Variants in FAM117A observed in about 807,000 individuals in gnomAD.
The protein encoded by FAM117A is family with sequence similarity 117 member A.
Under a neutral mutation model 44.1 loss-of-function variants are expected in FAM117A, and 21 were observed. The observed-to-expected ratio is 0.48, with a 90% CI of 0.34 to 0.69. The LOEUF is 0.69. Among genes scored for constraint, FAM117A ranks in the 30% least tolerant of loss-of-function variants. FAM117A has a pLI of 0.01. For missense variants in FAM117A, 498 were observed against 589.9 expected (o/e 0.84, Z 1.61); for synonymous variants, 220 against 238.3 (o/e 0.92, Z 0.71).
intron 1 of FAM117A, among the ~76,000 whole-genome samples, chr17:49,741,695 A>C (rs2073635209): frequency 1.3e-5 from 2 of 152,220 alleles, no homozygotes; most frequent in South Asian, 4.1e-4. Flanking sequence ...ACAGGAATTC[A>C]GAATTTCTAA....
chr17:49,732,588 C>T lies in FAM117A; in HGVS notation c.329G>A (p.Gly110Glu), dbSNP rs761925203. ...LLGQWPRDAD[G>E]AFTCCTNDKA... is the part of the protein sequence containing the mutation. ...GTCATTGGTGCAGCAGGTGAAGGCC[C>T]CATCAGCATCTCGTGGCCACTGGCC... Residue 110 changes from glycine to glutamate, a missense_variant, in exon 2 of 8, where the codon GGG becomes GAG. Physicochemically the swap from Gly to Glu is moderately conservative, Grantham distance 98. Transcript: ENST00000240364. 1.1e-5 allele frequency: 17 copies of T among 1,614,116 alleles called. No individual in the cohort carries two copies. The highest frequency in any genetic ancestry group is 1.7e-6 in the Non-Finnish European group (2 of 1,180,004).
At chr17:49,776,968 C>T (rs1014167190) in intron 1 of FAM117A, among the ~76,000 whole-genome samples, 2 of 152,242 alleles carry the variant, frequency 1.3e-5, no homozygotes, top group Non-Finnish European at 2.9e-5. Flanking sequence ...CACTCCTTGA[C>T]TCTGTCTCCC....
chr17:49,779,852 CT>C (rs1304911908), intron 1 of FAM117A, among the ~76,000 whole-genome samples: 2 of 152,232 alleles, frequency 1.3e-5, no homozygotes, highest in Non-Finnish European at 2.9e-5. Context: ...CCAGTCATAT[CT>C]TTGGAAAATG....
intron 7 of FAM117A, among the ~76,000 whole-genome samples, chr17:49,712,472 A>G (rs1479948281): frequency 2.6e-5 from 4 of 152,204 alleles, no homozygotes; most frequent in Admixed American, 2.6e-4. Context: ...AAAGAATCTA[A>G]TTGTTGGGCA....
At chr17:49,769,387 T>C (rs974708036) in intron 1 of FAM117A, among the ~76,000 whole-genome samples, 3 of 152,030 alleles carry the variant, frequency 2.0e-5, no homozygotes, top group Admixed American at 6.6e-5. Flanking sequence ...AGGGTAAATG[T>C]AGGATCAGAG....
chr17:49,786,397 C>T (rs1367868267), intron 1 of FAM117A, among the ~76,000 whole-genome samples: 1 of 152,178 alleles, frequency 6.6e-6, no homozygotes, highest in African/African-American at 2.4e-5. Context: ...GAGCGCTATA[C>T]ATTCAGAGAC....
rs766220821 is a variant in FAM117A, at chr17:49,720,389, A to T, written c.510T>A (p.Ser170Arg). Reference protein sequence around the residue: ...QQLQRTKLSRSGKEKERGSPL... With the variant: ...QQLQRTKLSRRGKEKERGSPL... ...GTGAACCTCGCTCCTTCTCTTTCCC[A>T]CTGCGGCTCAGCTTCGTCCTCTGCA... Residue 170 changes from serine (S) to arginine (R), a missense_variant, in exon 4 of 8, where the codon AGT becomes AGA. By Grantham distance (110) the Ser-to-Arg change is moderately radical (BLOSUM62 -1). Transcript: ENST00000240364. 8.7e-6 allele frequency: 14 copies of T among 1,613,666 alleles called. No homozygotes were observed. Among genetic ancestry groups the T allele is most frequent in the Non-Finnish European group, 1.2e-5 (14 of 1,180,020 alleles).
chr17:49,775,211 C>T (rs1192379808), intron 1 of FAM117A, among the ~76,000 whole-genome samples: 2 of 152,112 alleles, frequency 1.3e-5, no homozygotes, highest in East Asian at 3.9e-4. Flanking sequence ...TGATCTCAAA[C>T]CCCTGGCCTC....
chr17:49,743,053 G>GA (rs1435841379), intron 1 of FAM117A, among the ~76,000 whole-genome samples: 1 of 152,118 alleles, frequency 6.6e-6, no homozygotes, highest in Non-Finnish European at 1.5e-5. Context: ...CAAGGTCATA[G>GA]AAAAAACTGA....
At chr17:49,721,554 T>C (rs997483904) in intron 3 of FAM117A, among the ~76,000 whole-genome samples, 2 of 152,230 alleles carry the variant, frequency 1.3e-5, no homozygotes, top group African/African-American at 4.8e-5. Flanking sequence ...TATTTTCTCA[T>C]TGTTCTCAGC....
At position 49,720,379 on chromosome 17, in the gene FAM117A, T is replaced by C; in HGVS notation, c.520A>G (p.Lys174Glu). Residue 174 changes from lysine (K) to glutamate (E), a missense_variant, in exon 4 of 8, where the codon AAG becomes GAG. Around this residue, in one of 3 missense-constraint regions of FAM117A, gnomAD observed 270 missense variants for 277.4 expected, o/e 0.97. Coordinates refer to ENST00000240364, the MANE Select transcript of FAM117A (RefSeq NM_030802.4). ...CCTAGGAGTGGTGAACCTCGCTCCT[T>C]CTCTTTCCCACTGCGGCTCAGCTTC... ...RTKLSRSGKE[K>E]ERGSPLLGDH... is the part of the protein sequence containing the mutation. 6.2e-7 allele frequency: 1 copy of C among 1,613,880 alleles called. No homozygotes were observed. Among genetic ancestry groups the C allele is most frequent in the Non-Finnish European group, 8.5e-7 (1 of 1,179,998 alleles).
rs147731210 is a variant in FAM117A, at chr17:49,761,775, T to C, written c.196+2117A>G. 2.0e-5 allele frequency among the ~76,000 whole-genome samples: 3 copies of C among 152,328 alleles called. No individual in the cohort carries two copies. The East Asian group carries it at 5.8e-4, about 29-fold the overall frequency. ...GGCTGAAGTTAACATATAAAAGCCC[T>C]GATGTGCCTCCAAAACAGAGGCCAG... On this transcript the variant is annotated intron_variant, in intron 1 of 7. Coordinates refer to ENST00000240364, the MANE Select transcript of FAM117A (RefSeq NM_030802.4).
intron 1 of FAM117A, among the ~76,000 whole-genome samples, chr17:49,778,186 C>T (rs1236487089): frequency 1.3e-5 from 2 of 152,192 alleles, no homozygotes; most frequent in Admixed American, 6.5e-5. Flanking sequence ...TCTGGGGTTT[C>T]CCAAGTGAAT....
At chr17:49,765,535 T>C (rs918917593), upstream of FAM117A, 1 of 152,194 alleles carries the variant, frequency 6.6e-6, no homozygotes. Flanking sequence ...AATATTAAAA[T>C]TAGCCTACAT....
intron 7 of FAM117A, among the ~76,000 whole-genome samples, chr17:49,714,148 C>T (rs1173413541): frequency 2.0e-5 from 3 of 152,284 alleles, no homozygotes; most frequent in East Asian, 3.9e-4. Context: ...AATACCTTGA[C>T]TCCTTGCCTG....
At chr17:49,784,467 A>G (rs1371449933) in intron 1 of FAM117A, among the ~76,000 whole-genome samples, 1 of 152,152 alleles carries the variant, frequency 6.6e-6, no homozygotes, top group East Asian at 1.9e-4. Flanking sequence ...TACCACTTCC[A>G]GTTCAGTCTC....
At chr17:49,768,854 T>C (rs908228046), upstream of FAM117A, among the ~76,000 whole-genome samples, 1 of 152,234 alleles carries the variant, frequency 6.6e-6, no homozygotes, top group African/African-American at 2.4e-5. Context: ...CTGACTCATT[T>C]TGTCCCTTGC....
chr17:49,728,707 C>T (rs1455449405), intron 2 of FAM117A, among the ~76,000 whole-genome samples: 1 of 152,194 alleles, frequency 6.6e-6, no homozygotes, highest in Non-Finnish European at 1.5e-5. Flanking sequence ...CTGCAGCCAC[C>T]GGCATGTACT....
At chr17:49,782,688 T>TTA (rs2073793257) in intron 1 of FAM117A, among the ~76,000 whole-genome samples, 3 of 62,668 alleles carry the variant, frequency 4.8e-5, no homozygotes, top group African/African-American at 2.8e-4. Context: ...AGACTTTGTC[T>TTA]CAAAAAAAAA....
Sources: allele counts gnomAD v4.1 joint callset (sites outside exome capture counted in the v4.1 genomes callset), GRCh38; gene constraint gnomAD v4.1.1; regional missense constraint gnomAD v4.1.1; transcripts MANE v1.5; gene names NCBI Gene and HGNC (gene_info 2026-07-23, HGNC 2026-07-21).